Variants in MGAM2 observed in about 807,000 individuals in gnomAD.
MGAM2 encodes the protein probable maltase-glucoamylase 2.
Under a neutral mutation model 96.1 loss-of-function variants are expected in MGAM2, and 98 were observed. The ratio of observed to expected loss-of-function variants is 1.02; its 90% CI spans 0.87 to 1.21. The LOEUF is 1.21. Ranked by LOEUF, MGAM2 falls within the 50% of genes most tolerant of loss-of-function variation. MGAM2 has a pLI of 0.00. For missense variants in MGAM2, 2,055 were observed against 1,182.4 expected, an observed-to-expected ratio of 1.74 and a Z score of -10.82; for synonymous variants, 749 against 414.8, an observed-to-expected ratio of 1.81 and a Z score of -9.79.
rs150720883 is a variant in MGAM2 at position 142,116,879 on chromosome 7, G to A, written c.6G>A (p.Ala2=). M[A]RKLSVLEVLL... ...AATTATCTGTGTCTATCTAGATGGC[G>A]AGGAAGCTCAGTGTATTGGAAGTCC... Residue 2 remains alanine (A), a synonymous_variant, in exon 2 of 48, where the codon GCG becomes GCA. Coordinates refer to ENST00000477922, the MANE Select transcript of MGAM2 (RefSeq NM_001293626.2). 108 of 703,520 alleles carry A rather than the reference G, an allele frequency of 1.5e-4. No individual in the cohort carries two copies. The highest frequency in any genetic ancestry group is 1.4e-3 in the African/African-American group (80 of 57,338). The allele number at this position is 703,520 out of a possible 1,614,324, so 43.6% of individuals were successfully genotyped here. A position where few individuals can be genotyped will look rare whatever the true frequency, so the allele number is the denominator to read the frequency against.
intron 23 of MGAM2, among the ~76,000 whole-genome samples, chr7:142,162,705 A>T (rs985956125): frequency 3.3e-5 from 5 of 151,386 alleles, no homozygotes; most frequent in African/African-American, 1.2e-4. Context: ...GGTATAAAAA[A>T]TATATATCTT....
At position 142,136,650 on chromosome 7, in the gene MGAM2, A is replaced by G; in HGVS notation, c.847+10A>G. 1.5e-6 allele frequency: 1 copy of G among 684,948 alleles called. No individual in the cohort carries two copies. The highest frequency in any genetic ancestry group is 2.6e-6 in the Non-Finnish European group (1 of 379,412). The allele number at this position is 684,948 out of a possible 1,614,324, so 42.4% of individuals were successfully genotyped here. On this transcript the variant is annotated intron_variant, in intron 8 of 47. Transcript: ENST00000477922. Reference sequence around the variant, plus strand: ...AACAGTAATGCCATGGGTAGGAAGCATCTTTTTATCTTCTGTAGGTAGGAA... The same window carrying G: ...AACAGTAATGCCATGGGTAGGAAGCGTCTTTTTATCTTCTGTAGGTAGGAA...
At chr7:142,139,086 G>A (rs1410878333) in intron 10 of MGAM2, among the ~76,000 whole-genome samples, 1 of 152,164 alleles carries the variant, frequency 6.6e-6, no homozygotes, top group African/African-American at 2.4e-5. Flanking sequence ...CAACACTGGA[G>A]GTGACATGAG....
intron 32 of MGAM2, among the ~76,000 whole-genome samples, chr7:142,179,316 ACTT>A (rs1442304087): frequency 1.3e-5 from 2 of 152,078 alleles, no homozygotes; most frequent in African/African-American, 2.4e-5. Context: ...AGAGAGTTTG[ACTT>A]CTTCTTTTCC....
chr7:142,182,229 T>C (rs894140579), intron 32 of MGAM2, among the ~76,000 whole-genome samples: 1 of 152,180 alleles, frequency 6.6e-6, no homozygotes, highest in African/African-American at 2.4e-5. Context: ...CAGCTTTGTT[T>C]TCTGGCCTTA....
rs1797948931 is a variant in MGAM2, at chr7:142,222,105, A to G, written c.*46A>G. 2.5e-6 allele frequency: 1 copy of G among 397,702 alleles called. No individual in the cohort carries two copies. Among genetic ancestry groups the G allele is most frequent in the Admixed American group, 4.4e-5 (1 of 22,706 alleles). The allele number at this position is 397,702 out of a possible 1,614,324, so 24.6% of individuals were successfully genotyped here. A position where few individuals can be genotyped will look rare whatever the true frequency, so the allele number is the denominator to read the frequency against. ...GTTACCTCAGATAACGCCTACAAAC[A>G]ACTATTACAGATATAGAAAATCAGT... On this transcript the variant is annotated 3_prime_UTR_variant, in exon 48 of 48. Coordinates refer to ENST00000477922, the MANE Select transcript of MGAM2 (RefSeq NM_001293626.2).
rs1442983210 is a variant in MGAM2 at position 142,154,820 on chromosome 7, G to A, written c.1898G>A (p.Arg633Lys). 1 of 703,376 alleles carries A rather than the reference G, an allele frequency of 1.4e-6. No individual in the cohort carries two copies. 43.6% of individuals were successfully genotyped at this position (703,376 alleles called of 1,614,324 possible). Reference sequence around the variant, plus strand: ...CTTGGAGCATTTTATCCACTACCAAGGAATCACAATGGGCCTGGGTTCAGG... The same window carrying A: ...CTTGGAGCATTTTATCCACTACCAAAGAATCACAATGGGCCTGGGTTCAGG... ...MQLGAFYPLP[R>K]NHNGPGFRDQ... The change falls in exon 17 of 48, where the codon AGG (arginine) becomes AAG (lysine). Residue 633 changes from arginine (R) to lysine (K), a missense_variant. Transcript: ENST00000477922.
At chr7:142,136,953 T>C (rs781199291) in intron 8 of MGAM2, among the ~76,000 whole-genome samples, 1 of 152,204 alleles carries the variant, frequency 6.6e-6, no homozygotes, top group Non-Finnish European at 1.5e-5. Flanking sequence ...TAAATTGTGC[T>C]TTCTGTCTGT....
rs1295287511 is a variant in MGAM2, at chr7:142,132,945, ATAT to A, written c.575+864_575+866del. On this transcript the variant is annotated intron_variant, in intron 6 of 47. Transcript: ENST00000477922. ...ATATTTATACGTTAAATATATTTAC[ATAT>A]TATATATGCATTTATATTAAAATAT... Among the ~76,000 whole-genome samples the A allele has an allele frequency of 3.1e-5, 4 of 131,028 alleles. No individual in the cohort carries two copies. The South Asian group carries it at 6.9e-4, about 23-fold the overall frequency. The allele number at this position is 131,028 out of a possible 152,430, so 86.0% of individuals were successfully genotyped here.
intron 36 of MGAM2, among the ~76,000 whole-genome samples, chr7:142,188,248 ATT>A (rs1796764844): frequency 6.6e-6 from 1 of 152,072 alleles, no homozygotes; most frequent in Non-Finnish European, 1.5e-5. Context: ...CTTTTTGGTC[ATT>A]CTGTGGTACA....
At chr7:142,213,539 A>G (rs900980138) in intron 46 of MGAM2, among the ~76,000 whole-genome samples, 2 of 151,934 alleles carry the variant, frequency 1.3e-5, no homozygotes, top group Non-Finnish European at 2.9e-5. Flanking sequence ...AGAATACTAT[A>G]AACACCTCTA....
At chr7:142,189,068 T>A (rs1796790228) in intron 36 of MGAM2, among the ~76,000 whole-genome samples, 1 of 152,190 alleles carries the variant, frequency 6.6e-6, no homozygotes, top group Admixed American at 6.5e-5. Context: ...GAAGAAACAG[T>A]CCTAACAATG....
chr7:142,156,618 C>T (rs1795744007), intron 17 of MGAM2, among the ~76,000 whole-genome samples: 1 of 152,162 alleles, frequency 6.6e-6, no homozygotes, highest in African/African-American at 2.4e-5. Flanking sequence ...GGGCTTTTGT[C>T]AGTTGACAAC....
intron 3 of MGAM2, among the ~76,000 whole-genome samples, chr7:142,124,601 T>C (rs1162055190): frequency 6.6e-6 from 1 of 152,190 alleles, no homozygotes. Context: ...CATACCAGCC[T>C]GCCAGTTTTC....
intron 17 of MGAM2, among the ~76,000 whole-genome samples, chr7:142,155,826 A>G (rs1259726965): frequency 6.6e-6 from 1 of 152,180 alleles, no homozygotes; most frequent in Non-Finnish European, 1.5e-5. Context: ...TTATAAGGAG[A>G]GCCACATATG....
At position 142,213,715 on chromosome 7, in the gene MGAM2, C is replaced by G. The variant is rs180751761; in HGVS notation, c.5188-4646C>G. Among the ~76,000 whole-genome samples, 19 of 152,130 alleles carry G rather than the reference C, an allele frequency of 1.2e-4. 1 individual carries two copies. Among genetic ancestry groups the G allele is most frequent in the African/African-American group, 3.9e-4 (16 of 41,438 alleles). On this transcript the variant is annotated intron_variant, in intron 46 of 47. Transcript: ENST00000477922. ...CCAACCAAAACAGCCCAGGACCAGA[C>G]AGATTCACAGCCGAATTCTACCAGA...
intron 31 of MGAM2, among the ~76,000 whole-genome samples, chr7:142,174,185 A>C (rs6970939): frequency 0.062 from 9,480 of 152,220 alleles, 492 homozygotes; most frequent in African/African-American, 0.14. Context: ...TACATATATG[A>C]ATTTTAAAAT....
At chr7:142,212,454 G>C (rs2129105886) in intron 46 of MGAM2, among the ~76,000 whole-genome samples, 1 of 152,316 alleles carries the variant, frequency 6.6e-6, no homozygotes, top group East Asian at 1.9e-4. Context: ...GTATTCAGAA[G>C]ACCCATCTCA....
In MGAM2 at chr7:142,159,318, A is replaced by G. The variant is rs1563266473; in HGVS notation, c.2195A>G (p.Asp732Gly). 1.4e-6 allele frequency: 1 copy of G among 702,618 alleles called. No individual in the cohort carries two copies. Among genetic ancestry groups the G allele is most frequent in the East Asian group, 2.7e-5 (1 of 37,268 alleles). 43.5% of individuals were successfully genotyped at this position (702,618 alleles called of 1,614,324 possible). Residue 732 changes from aspartate (D) to glycine (G), a missense_variant, in exon 20 of 48, where the codon GAT (aspartate) becomes GGT (glycine). Coordinates refer to ENST00000477922, the MANE Select transcript of MGAM2 (RefSeq NM_001293626.2). Reference protein sequence around the residue: ...GVDEVKAYIPDATWYDYETGV... With the variant: ...GVDEVKAYIPGATWYDYETGV... Reference sequence around the variant, plus strand: ...GACGAAGTGAAAGCATACATACCTGATGCCACCTGGTATGACTATGAGACA... The same window carrying G: ...GACGAAGTGAAAGCATACATACCTGGTGCCACCTGGTATGACTATGAGACA...
Sources: allele counts gnomAD v4.1 joint callset (sites outside exome capture counted in the v4.1 genomes callset), GRCh38; gene constraint gnomAD v4.1.1; transcripts MANE v1.5; gene names NCBI Gene and HGNC (gene_info 2026-07-23, HGNC 2026-07-21).